Variants in ANKRD30BL observed in about 807,000 individuals in gnomAD.
ANKRD30BL encodes the protein ankyrin repeat domain 30B like, also known as putative ankyrin repeat domain-containing protein 30B-like.
In ANKRD30BL, 20 loss-of-function variants were observed where a neutral mutation model predicts 18.4. The observed-to-expected ratio is 1.09, with a 90% CI of 0.77 to 1.58. ANKRD30BL has a LOEUF of 1.58. Among genes scored for constraint, ANKRD30BL ranks in the 40% most tolerant of loss-of-function variants. ANKRD30BL has a pLI of 0.00. For missense variants in ANKRD30BL, 224 were observed against 268.6 expected (o/e 0.83, Z 1.16); for synonymous variants, 72 against 100.9 (o/e 0.71, Z 1.72).
chr2:132,249,882 G>A (rs1680604773), intron 1 of ANKRD30BL, among the ~76,000 whole-genome samples: 1 of 152,100 alleles, frequency 6.6e-6, no homozygotes, highest in African/African-American at 2.4e-5. Flanking sequence ...CAAGAACAGA[G>A]TTTCCAATCT....
intron 1 of ANKRD30BL, among the ~76,000 whole-genome samples, chr2:132,222,228 C>A (rs1246033661): frequency 1.4e-5 from 2 of 146,594 alleles, no homozygotes; most frequent in Admixed American, 1.4e-4. Context: ...GTCAGCCCCC[C>A]GCCCGGCCAG....
At chr2:132,227,673 T>A (rs1679885678) in intron 1 of ANKRD30BL, among the ~76,000 whole-genome samples, 1 of 152,132 alleles carries the variant, frequency 6.6e-6, no homozygotes, top group South Asian at 2.1e-4. Context: ...AATCCGCTAG[T>A]GGACATTTGT....
intron 3 of ANKRD30BL, chr2:132,155,963 T>A (rs1351794557): frequency 1.3e-5 from 2 of 151,948 alleles, no homozygotes; most frequent in Non-Finnish European, 2.9e-5. Flanking sequence ...TCTATTATAA[T>A]GATACTCCTA....
intron 1 of ANKRD30BL, among the ~76,000 whole-genome samples, chr2:132,223,663 T>G (rs1043037558): frequency 4.6e-5 from 7 of 151,808 alleles, no homozygotes; most frequent in Non-Finnish European, 1.0e-4. Context: ...GAAACTTCCT[T>G]GTGATGTGTA....
chr2:132,212,385 T>C (rs2104759288), intron 1 of ANKRD30BL, among the ~76,000 whole-genome samples: 1 of 152,018 alleles, frequency 6.6e-6, no homozygotes, highest in South Asian at 2.1e-4. Flanking sequence ...TTCTTTTGAT[T>C]GAGCAGTTTT....
At chr2:132,218,227 T>C (rs62165489) in intron 1 of ANKRD30BL, among the ~76,000 whole-genome samples, 1 of 152,274 alleles carries the variant, frequency 6.6e-6, no homozygotes, top group East Asian at 1.9e-4. Context: ...AACACTCTTT[T>C]TGTAGAATTT....
chr2:132,229,384 CT>C (rs1486749151), intron 1 of ANKRD30BL, among the ~76,000 whole-genome samples: 1 of 152,138 alleles, frequency 6.6e-6, no homozygotes. Context: ...TGGAAACACT[CT>C]TTTTGTAGAA....
intron 1 of ANKRD30BL, among the ~76,000 whole-genome samples, chr2:132,224,556 A>C (rs950544748): frequency 2.6e-5 from 4 of 152,070 alleles, no homozygotes; most frequent in Non-Finnish European, 5.9e-5. Context: ...CTTTCTTTTG[A>C]TAGAGCAGGT....
chr2:132,223,709 G>C (rs1679761469), intron 1 of ANKRD30BL, among the ~76,000 whole-genome samples: 1 of 151,808 alleles, frequency 6.6e-6, no homozygotes, highest in African/African-American at 2.4e-5. Context: ...TCTTTTGATA[G>C]AGCAGGTTTG....
chr2:132,169,300 G>C (rs949448924), intron 1 of ANKRD30BL, among the ~76,000 whole-genome samples: 2 of 152,148 alleles, frequency 1.3e-5, no homozygotes, highest in African/African-American at 2.4e-5. Context: ...AGTTGCATGA[G>C]GTCAATTCTA....
intron 1 of ANKRD30BL, among the ~76,000 whole-genome samples, chr2:132,198,684 T>C (rs376759003): frequency 2.0e-5 from 3 of 150,652 alleles, no homozygotes; most frequent in African/African-American, 7.3e-5. Context: ...AGCAGTGAGA[T>C]CTAGCCTCAC....
intron 1 of ANKRD30BL, chr2:132,253,128 A>G: frequency 5.1e-6 from 1 of 194,520 alleles, no homozygotes; most frequent in Non-Finnish European, 1.1e-5. Flanking sequence ...GCCCAGAGGC[A>G]ACCCTGGGGG....
At chr2:132,209,934 G>T (rs62164417) in intron 1 of ANKRD30BL, among the ~76,000 whole-genome samples, 1 of 136,570 alleles carries the variant, frequency 7.3e-6, no homozygotes, top group African/African-American at 2.7e-5. Flanking sequence ...TTGAAACTTT[G>T]TTTTGATTGA....
chr2:132,195,712 C>T (rs977337750), intron 1 of ANKRD30BL, among the ~76,000 whole-genome samples: 31 of 149,822 alleles, frequency 2.1e-4, no homozygotes, highest in Non-Finnish European at 3.3e-4. Context: ...AATTGCTTGA[C>T]CCCAGGAGGC....
chr2:132,234,899 A>G (rs1680113742), intron 1 of ANKRD30BL, among the ~76,000 whole-genome samples: 1 of 152,170 alleles, frequency 6.6e-6, no homozygotes, highest in Non-Finnish European at 1.5e-5. Context: ...AGAATTTTAG[A>G]CCAATATCCT....
upstream of ANKRD30BL, among the ~76,000 whole-genome samples, chr2:132,165,087 A>C (rs1688161522): frequency 2.7e-5 from 4 of 146,680 alleles, no homozygotes; most frequent in South Asian, 8.6e-4. Context: ...CAAAAAACAA[A>C]CAAAAAAAAA....
At chr2:132,240,235 T>C (rs1293477427) in intron 1 of ANKRD30BL, among the ~76,000 whole-genome samples, 1 of 151,866 alleles carries the variant, frequency 6.6e-6, no homozygotes, top group South Asian at 2.1e-4. Context: ...TTTCCTTATA[T>C]AGAGCAGATT....
intron 1 of ANKRD30BL, among the ~76,000 whole-genome samples, chr2:132,222,032 C>A (rs1234963561): frequency 6.5e-5 from 6 of 92,916 alleles, no homozygotes; most frequent in Admixed American, 4.5e-4. Context: ...CCACCCTGTC[C>A]GGGAGGGAGG....
At chr2:132,214,577 C>A (rs7579901) in intron 1 of ANKRD30BL, among the ~76,000 whole-genome samples, 16,566 of 151,086 alleles carry the variant, frequency 0.11, 3,017 homozygotes, top group African/African-American at 0.38. Context: ...GTTGAACCTT[C>A]CTTTTGATTA....
Sources: allele counts gnomAD v4.1 joint callset (sites outside exome capture counted in the v4.1 genomes callset), GRCh38; gene constraint gnomAD v4.1.1; transcripts MANE v1.5; gene names NCBI Gene and HGNC (gene_info 2026-07-23, HGNC 2026-07-21).